PLEKHA7: variants seen among roughly 807,000 people sequenced by gnomAD.
PLEKHA7 encodes pleckstrin homology domain containing A7.
In PLEKHA7, 104 loss-of-function variants were observed where a neutral mutation model predicts 170.0. The ratio of observed to expected loss-of-function variants is 0.61; its 90% CI spans 0.52 to 0.72. PLEKHA7 has a LOEUF of 0.72. Among genes scored for constraint, PLEKHA7 ranks in the 30% least tolerant of loss-of-function variants. The pLI is 0.00. For synonymous variants in PLEKHA7, 648 were observed against 660.8 expected (o/e 0.98, Z 0.30); for missense variants, 1,615 against 1,671.7 (o/e 0.97, Z 0.59).
At chr11:16,885,811 T>C (rs1019354361) in intron 3 of PLEKHA7, among the ~76,000 whole-genome samples, 2 of 151,130 alleles carry the variant, frequency 1.3e-5, no homozygotes, top group Non-Finnish European at 3.0e-5. Flanking sequence ...CTGGCCAGCA[T>C]GGTAAAACCC....
chr11:16,797,805 C>T (rs1848337676), intron 17 of PLEKHA7, among the ~76,000 whole-genome samples: 1 of 152,186 alleles, frequency 6.6e-6, no homozygotes, highest in Admixed American at 6.5e-5. Flanking sequence ...CCTCTTCCTC[C>T]TCCATAGCTC....
At chr11:16,873,798 C>G (rs1855059435) in intron 3 of PLEKHA7, among the ~76,000 whole-genome samples, 2 of 152,258 alleles carry the variant, frequency 1.3e-5, no homozygotes, top group East Asian at 3.9e-4. Context: ...TCCCAAGTAG[C>G]TGGGATTATA....
chr11:16,906,456 G>C (rs112562247), intron 3 of PLEKHA7, among the ~76,000 whole-genome samples: 1,668 of 139,554 alleles, frequency 0.012, 37 homozygotes, highest in Non-Finnish European at 0.018. Context: ...GAGTGCCTGC[G>C]ATTGCAGGCA....
intron 13 of PLEKHA7, among the ~76,000 whole-genome samples, chr11:16,805,145 GA>G (rs1382529971): frequency 1.3e-5 from 2 of 152,122 alleles, no homozygotes; most frequent in African/African-American, 4.8e-5. Flanking sequence ...TTCAAATGGA[GA>G]TACACTCTGG....
intron 3 of PLEKHA7, among the ~76,000 whole-genome samples, chr11:16,948,880 T>C (rs953368446): frequency 1.3e-5 from 2 of 152,228 alleles, no homozygotes; most frequent in Admixed American, 1.3e-4. Context: ...ACACAGGTCC[T>C]GTGGGTTTCA....
At chr11:16,831,615 A>T (rs1230340611) in intron 9 of PLEKHA7, among the ~76,000 whole-genome samples, 1 of 152,218 alleles carries the variant, frequency 6.6e-6, no homozygotes, top group East Asian at 1.9e-4. Flanking sequence ...TTTTGGCCAT[A>T]TGTGTCACTT....
intron 3 of PLEKHA7, among the ~76,000 whole-genome samples, chr11:16,993,013 G>T (rs542904512): frequency 6.6e-6 from 1 of 152,200 alleles, no homozygotes; most frequent in South Asian, 2.1e-4. Flanking sequence ...TTCCATACCA[G>T]CACCTCACCC....
In PLEKHA7 at chr11:16,975,032, G is replaced by A; in HGVS notation, c.221+38957C>T. 2.8e-6 allele frequency: 2 copies of A among 726,878 alleles called. 1 individual carries two copies. The highest frequency in any genetic ancestry group is 3.3e-6 in the Non-Finnish European group (2 of 597,878). The allele number at this position is 726,878 out of a possible 1,614,324, so 45.0% of individuals were successfully genotyped here. On this transcript the variant is annotated intron_variant, in intron 3 of 26. Transcript: ENST00000531066. ...TAACCATGCTTGCGTGAGCGCTATCGGCGCGGAAAGAAGCCAGGTTTTTAT... is the reference window on the plus strand; with the variant it reads ...TAACCATGCTTGCGTGAGCGCTATCAGCGCGGAAAGAAGCCAGGTTTTTAT...
In PLEKHA7 at chr11:16,826,378, C is replaced by G; in HGVS notation, c.1085G>C (p.Arg362Thr). The change falls in exon 10 of 27, where the codon AGG becomes ACG. Residue 362 changes from arginine (R) to threonine (T), a missense_variant. Coordinates refer to ENST00000531066, the MANE Select transcript of PLEKHA7 (RefSeq NM_001329630.2). ...LEGKRDRSKA[R>T]SPYSPAEEDA... ...CTCCTCGGCTGGCGAGTACGGAGAC[C>G]TGGCCTTGCTCCGGTCCCGCTTGCC... 1 of 1,614,260 alleles carries G rather than the reference C, an allele frequency of 6.2e-7. No homozygotes were observed.
At chr11:16,829,860 TTTTC>T (rs1850967342) in intron 9 of PLEKHA7, among the ~76,000 whole-genome samples, 3 of 134,830 alleles carry the variant, frequency 2.2e-5, no homozygotes, top group South Asian at 4.2e-4. Flanking sequence ...CTTTTTTCTT[TTTTC>T]TTTTTTTCAC....
chr11:16,836,489 T>A (rs1452083530), intron 9 of PLEKHA7, among the ~76,000 whole-genome samples: 1 of 152,244 alleles, frequency 6.6e-6, no homozygotes, highest in East Asian at 1.9e-4. Flanking sequence ...GAGAAGCCTC[T>A]GGGTGAGAAT....
chr11:16,820,912 G>A (rs1850164618), intron 10 of PLEKHA7, among the ~76,000 whole-genome samples: 2 of 152,208 alleles, frequency 1.3e-5, no homozygotes, highest in African/African-American at 4.8e-5. Context: ...AACTATGGAG[G>A]AGGGACACAG....
At chr11:16,983,875 T>G (rs1217353003) in intron 3 of PLEKHA7, among the ~76,000 whole-genome samples, 1 of 152,050 alleles carries the variant, frequency 6.6e-6, no homozygotes, top group East Asian at 1.9e-4. Flanking sequence ...TTTAATAATA[T>G]TACCCCAGCT....
At chr11:16,967,777 C>G (rs931795097) in intron 3 of PLEKHA7, among the ~76,000 whole-genome samples, 1 of 152,142 alleles carries the variant, frequency 6.6e-6, no homozygotes, top group Non-Finnish European at 1.5e-5. Context: ...GTTTTATGCT[C>G]TCCAGGCACC....
chr11:16,854,175 G>A (rs2135448812), intron 6 of PLEKHA7, among the ~76,000 whole-genome samples: 1 of 152,334 alleles, frequency 6.6e-6, no homozygotes, highest in South Asian at 2.1e-4. Flanking sequence ...GAGAGCAAAA[G>A]AGACAGGGTC....
intron 9 of PLEKHA7, among the ~76,000 whole-genome samples, chr11:16,833,754 A>G (rs1851299485): frequency 6.6e-6 from 1 of 152,170 alleles, no homozygotes. Flanking sequence ...GACTCTAATA[A>G]AGGACAGGAA....
intron 26 of PLEKHA7, among the ~76,000 whole-genome samples, chr11:16,779,989 G>A (rs1043834152): frequency 8.5e-5 from 12 of 140,666 alleles, no homozygotes; most frequent in Non-Finnish European, 1.2e-4. Context: ...GAGGGGGGGG[G>A]GAATATCTTC....
chr11:16,792,227 A>T (rs1275654151), intron 19 of PLEKHA7, among the ~76,000 whole-genome samples: 1 of 152,210 alleles, frequency 6.6e-6, no homozygotes. Context: ...TAAACATAAA[A>T]CATTGATTGC....
chr11:16,980,331 CAGTT>C (rs1054890138), intron 3 of PLEKHA7, among the ~76,000 whole-genome samples: 12 of 152,204 alleles, frequency 7.9e-5, no homozygotes, highest in Non-Finnish European at 1.8e-4. Context: ...TAGGGCCACA[CAGTT>C]AGTGGTGGAG....
Sources: allele counts gnomAD v4.1 joint callset (sites outside exome capture counted in the v4.1 genomes callset), GRCh38; gene constraint gnomAD v4.1.1; transcripts MANE v1.5; gene names NCBI Gene and HGNC (gene_info 2026-07-23, HGNC 2026-07-21).